The following AK5 variants were observed in gnomAD, a reference collection of about 807,000 sequenced individuals.
AK5 encodes adenylate kinase isoenzyme 5.
AK5 carries 27 observed loss-of-function variants against 69.5 expected under a neutral mutation model. The observed-to-expected ratio is 0.39, with a 90% CI of 0.29 to 0.54. The LOEUF is 0.54. AK5 is among the 20% of genes least tolerant of loss of function. AK5 has a pLI of 0.71. For synonymous variants in AK5, 260 were observed against 244.4 expected, an observed-to-expected ratio of 1.06 and a Z score of -0.60; for missense variants, 531 against 700.4, an observed-to-expected ratio of 0.76 and a Z score of 2.73.
chr1:77,419,940 A>G (rs901778457), intron 8 of AK5, among the ~76,000 whole-genome samples: 2 of 152,058 alleles, frequency 1.3e-5, no homozygotes, highest in African/African-American at 4.8e-5. Context: ...CTCTTTTTTC[A>G]TTTAATCATT....
At chr1:77,522,073 A>T in intron 12 of AK5, 130 bp downstream of exon 12, 1 of 686,244 alleles carries the variant, frequency 1.5e-6, no homozygotes, top group Admixed American at 3.3e-5. Context: ...ACTTGACTCA[A>T]ACTAGAAATT....
chr1:77,336,458 C>T (rs1318342496), intron 5 of AK5, among the ~76,000 whole-genome samples: 1 of 152,134 alleles, frequency 6.6e-6, no homozygotes, highest in Non-Finnish European at 1.5e-5. Flanking sequence ...AAACTCTATG[C>T]CTTAACTTCA....
chr1:77,287,762 T>C (rs1443753072), intron 2 of AK5, among the ~76,000 whole-genome samples: 1 of 152,172 alleles, frequency 6.6e-6, no homozygotes, highest in Non-Finnish European at 1.5e-5. Flanking sequence ...TGTATAGATA[T>C]CGGAAGTGAG....
chr1:77,463,849 A>C (rs1273851592), intron 8 of AK5, among the ~76,000 whole-genome samples: 1 of 152,152 alleles, frequency 6.6e-6, no homozygotes, highest in East Asian at 1.9e-4. Flanking sequence ...CTCATTGTCC[A>C]AGCTTGGTTC....
At chr1:77,552,618 G>A (rs1032309490) in intron 13 of AK5, among the ~76,000 whole-genome samples, 12 of 152,228 alleles carry the variant, frequency 7.9e-5, no homozygotes, top group African/African-American at 2.9e-4. Flanking sequence ...ATGAGCAAAT[G>A]TGTTTTTATC....
At chr1:77,391,495 G>GTATATATATATATATATATATATATA (rs753916010) in intron 6 of AK5, among the ~76,000 whole-genome samples, 3 of 63,394 alleles carry the variant, frequency 4.7e-5, no homozygotes, top group African/African-American at 1.6e-4. Flanking sequence ...GTGTGTGTGT[G>GTATATATATATATATATATATATATA]TATATATATA....
intron 8 of AK5, among the ~76,000 whole-genome samples, chr1:77,433,784 T>A (rs1039757549): frequency 8.0e-5 from 12 of 150,090 alleles, no homozygotes; most frequent in African/African-American, 2.2e-4. Flanking sequence ...GGCTATAAAA[T>A]TTTTTATCAG....
intron 10 of AK5, among the ~76,000 whole-genome samples, chr1:77,512,922 A>G (rs1657432828): frequency 6.6e-6 from 1 of 152,218 alleles, no homozygotes; most frequent in African/African-American, 2.4e-5. Context: ...TTGGCAACTG[A>G]TCAGGTATGG....
intron 6 of AK5, among the ~76,000 whole-genome samples, chr1:77,341,286 TAAA>T (rs1661639815): frequency 2.0e-5 from 3 of 152,284 alleles, no homozygotes; most frequent in African/African-American, 7.2e-5. Context: ...ATTCCAGCAT[TAAA>T]GCGTAGAGGA....
At chr1:77,502,904 C>T (rs1024766913) in intron 10 of AK5, among the ~76,000 whole-genome samples, 1 of 152,198 alleles carries the variant, frequency 6.6e-6, no homozygotes, top group South Asian at 2.1e-4. Flanking sequence ...TCACACCCTG[C>T]TGTGGTATAG....
intron 1 of AK5, chr1:77,283,340 G>GCT: frequency 1.0e-6 from 1 of 985,410 alleles, no homozygotes; most frequent in Non-Finnish European, 1.2e-6. Context: ...TCCTAAGCGA[G>GCT]CTCTGAAAGG....
chr1:77,558,766 C>G lies in AK5; in HGVS notation c.*96C>G. On this transcript the variant is annotated 3_prime_UTR_variant, in exon 14 of 14. Transcript: ENST00000354567. ...TCAAGTTAAACCTTTTGTGTCACCG[C>G]CCCCACCAACCACCACCTCCTAAAT... is the stretch of plus-strand genomic sequence containing the variant. 1.2e-6 allele frequency: 1 copy of G among 828,298 alleles called. No individual in the cohort carries two copies. 51.3% of individuals were successfully genotyped at this position (828,298 alleles called of 1,614,324 possible). A position where few individuals can be genotyped will look rare whatever the true frequency, so the allele number is the denominator to read the frequency against.
chr1:77,368,622 T>G (rs1647063885), intron 6 of AK5, among the ~76,000 whole-genome samples: 1 of 151,898 alleles, frequency 6.6e-6, no homozygotes, highest in Admixed American at 6.6e-5. Flanking sequence ...ATATAGCATA[T>G]CATTAATACA....
At chr1:77,402,323 T>C (rs1435395597) in intron 6 of AK5, among the ~76,000 whole-genome samples, 1 of 152,064 alleles carries the variant, frequency 6.6e-6, no homozygotes, top group Non-Finnish European at 1.5e-5. Context: ...ACTTTAAGTT[T>C]TAGGGTACAT....
chr1:77,325,166 T>C (rs202129355), intron 5 of AK5, among the ~76,000 whole-genome samples: 1 of 133,396 alleles, frequency 7.5e-6, no homozygotes, highest in Non-Finnish European at 1.7e-5. Context: ...TTTTTGTTTT[T>C]TTTTTTTTTT....
At chr1:77,457,863 A>G (rs755680941) in intron 8 of AK5, among the ~76,000 whole-genome samples, 12 of 152,132 alleles carry the variant, frequency 7.9e-5, no homozygotes, top group Admixed American at 6.5e-5. Flanking sequence ...CCTATTTGCT[A>G]TAACAAATTA....
chr1:77,383,390 C>T (rs1165550051), intron 6 of AK5, among the ~76,000 whole-genome samples: 1 of 151,942 alleles, frequency 6.6e-6, no homozygotes, highest in African/African-American at 2.4e-5. Context: ...CAAAGATTAC[C>T]ATTTGCAAAC....
chr1:77,407,295 T>G (rs886537801), intron 6 of AK5, among the ~76,000 whole-genome samples: 7 of 152,094 alleles, frequency 4.6e-5, no homozygotes, highest in East Asian at 1.9e-4. Context: ...GCTTAATATA[T>G]CCACACAATG....
At chr1:77,303,474 A>G (rs889945929) in intron 5 of AK5, among the ~76,000 whole-genome samples, 2 of 152,256 alleles carry the variant, frequency 1.3e-5, no homozygotes, top group Non-Finnish European at 2.9e-5. Flanking sequence ...GTTGAGAGAG[A>G]TATTGCTTTA....
Sources: allele counts gnomAD v4.1 joint callset (sites outside exome capture counted in the v4.1 genomes callset), GRCh38; gene constraint gnomAD v4.1.1; transcripts MANE v1.5; gene names NCBI Gene and HGNC (gene_info 2026-07-23, HGNC 2026-07-21).